The following GRIN3A variants were observed in gnomAD, a reference collection of about 807,000 sequenced individuals.
GRIN3A encodes the protein glutamate receptor ionotropic, NMDA 3A.
In GRIN3A, 47 loss-of-function variants were observed where a neutral mutation model predicts 92.4. That is an observed-to-expected ratio of 0.51 (90% CI 0.40 to 0.65). The LOEUF is 0.65. Among genes scored for constraint, GRIN3A ranks in the 30% least tolerant of loss-of-function variants. GRIN3A has a pLI of 0.00. For synonymous variants in GRIN3A, 527 were observed against 540.6 expected (o/e 0.97, Z 0.35); for missense variants, 1,324 against 1,393.1 (o/e 0.95, Z 0.79).
At chr9:101,667,151 GCTTTATACTTCGTATTACCTATATA>G (rs1397436403) in intron 3 of GRIN3A, among the ~76,000 whole-genome samples, 5 of 151,832 alleles carry the variant, frequency 3.3e-5, no homozygotes, top group South Asian at 2.1e-4. Flanking sequence ...TCTTGCCTGT[GCTTTATACTTCGTATTACCTATATA>G]CTTTATACTA....
intron 1 of GRIN3A, among the ~76,000 whole-genome samples, chr9:101,720,270 T>C (rs555829249): frequency 2.0e-5 from 3 of 152,364 alleles, no homozygotes; most frequent in South Asian, 2.1e-4. Flanking sequence ...CTCATCTATT[T>C]TTAAAATTTG....
chr9:101,701,118 G>C (rs1359292684), intron 1 of GRIN3A, among the ~76,000 whole-genome samples: 1 of 152,110 alleles, frequency 6.6e-6, no homozygotes, highest in Non-Finnish European at 1.5e-5. Flanking sequence ...TGTTGGAAAT[G>C]CTTATTTTTT....
At chr9:101,705,463 C>T (rs2119006629) in intron 1 of GRIN3A, among the ~76,000 whole-genome samples, 1 of 152,330 alleles carries the variant, frequency 6.6e-6, no homozygotes, top group East Asian at 1.9e-4. Flanking sequence ...AAAGTCTCCA[C>T]ATTCATCACC....
chr9:101,633,687 C>T (rs934020510), intron 3 of GRIN3A, among the ~76,000 whole-genome samples: 2 of 152,218 alleles, frequency 1.3e-5, no homozygotes, highest in African/African-American at 2.4e-5. Flanking sequence ...ACATCCCTTA[C>T]AAGAATCTAA....
At chr9:101,605,279 C>A (rs1233808589) in intron 6 of GRIN3A, among the ~76,000 whole-genome samples, 1 of 152,194 alleles carries the variant, frequency 6.6e-6, no homozygotes, top group Non-Finnish European at 1.5e-5. Flanking sequence ...TTAACACTAT[C>A]CATTCAGCAC....
chr9:101,670,303 C>A lies in GRIN3A; in HGVS notation c.2109G>T (p.Leu703Phe). The A allele has an allele frequency of 6.2e-7, 1 of 1,614,030 alleles. No homozygotes were observed. Among genetic ancestry groups the A allele is most frequent in the Non-Finnish European group, 8.5e-7 (1 of 1,179,966 alleles). Reference protein sequence around the residue: ...TLYEWKSPFGLTPKGRNRSKV... With the variant: ...TLYEWKSPFGFTPKGRNRSKV... ...TACTTCTATTTCGCCCCTTGGGAGT[C>A]AAACCAAATGGACTCTTCCATTCAT... Residue 703 changes from leucine (L) to phenylalanine (F), a missense_variant, in exon 3 of 9, where the codon TTG becomes TTT. Leu to Phe is a conservative substitution (Grantham distance 22). Coordinates refer to ENST00000361820, the MANE Select transcript of GRIN3A (RefSeq NM_133445.3).
At chr9:101,676,418 A>G (rs1014810823) in intron 2 of GRIN3A, among the ~76,000 whole-genome samples, 6 of 151,886 alleles carry the variant, frequency 4.0e-5, no homozygotes, top group African/African-American at 1.4e-4. Context: ...CTGTCTTTGT[A>G]TCATTAAACA....
intron 1 of GRIN3A, among the ~76,000 whole-genome samples, chr9:101,726,340 G>C (rs1390468410): frequency 6.6e-6 from 1 of 152,182 alleles, no homozygotes; most frequent in African/African-American, 2.4e-5. Context: ...CTGGTATCCC[G>C]AGAGGAGTTT....
intron 6 of GRIN3A, among the ~76,000 whole-genome samples, chr9:101,587,916 TTTTA>T (rs537190845): frequency 2.9e-4 from 44 of 152,122 alleles, no homozygotes; most frequent in Admixed American, 2.1e-3. Context: ...CTGGTATCTA[TTTTA>T]TTTATTTATT....
chr9:101,685,870 T>G (rs1245355474), intron 2 of GRIN3A, among the ~76,000 whole-genome samples: 1 of 151,920 alleles, frequency 6.6e-6, no homozygotes, highest in Non-Finnish European at 1.5e-5. Flanking sequence ...ATTCTATGGG[T>G]AATAGGATCT....
intron 1 of GRIN3A, among the ~76,000 whole-genome samples, chr9:101,717,530 G>T (rs1588296046): frequency 6.6e-6 from 1 of 152,192 alleles, no homozygotes; most frequent in Non-Finnish European, 1.5e-5. Context: ...AAAACAGGAA[G>T]TTAGGAATAG....
chr9:101,583,215 A>T (rs1021353729), intron 6 of GRIN3A, among the ~76,000 whole-genome samples: 1 of 152,320 alleles, frequency 6.6e-6, no homozygotes, highest in Middle Eastern at 3.4e-3. Context: ...AAAGCCTGCA[A>T]TGCTTCTCAA....
At chr9:101,686,410 T>TACAGA (rs1829533595) in intron 2 of GRIN3A, among the ~76,000 whole-genome samples, 186 bp downstream of exon 2, 2 of 152,152 alleles carry the variant, frequency 1.3e-5, no homozygotes, top group Non-Finnish European at 2.9e-5. Context: ...ACTTACAAGT[T>TACAGA]TATAGATCAA....
chr9:101,624,389 A>G (rs1033677050), intron 4 of GRIN3A, among the ~76,000 whole-genome samples: 1 of 78,226 alleles, frequency 1.3e-5, no homozygotes, highest in East Asian at 4.2e-4. Flanking sequence ...CCCACCCCAC[A>G]ACAGTCCCCA....
intron 1 of GRIN3A, among the ~76,000 whole-genome samples, chr9:101,691,319 A>G (rs1829615495): frequency 6.6e-6 from 1 of 152,168 alleles, no homozygotes; most frequent in Non-Finnish European, 1.5e-5. Context: ...ATGAATAAAC[A>G]CTTCCTATAA....
At chr9:101,680,504 A>G (rs1829454209) in intron 2 of GRIN3A, among the ~76,000 whole-genome samples, 2 of 152,214 alleles carry the variant, frequency 1.3e-5, no homozygotes, top group African/African-American at 4.8e-5. Context: ...AAGAGAAAAG[A>G]GTCTCTAGTG....
At chr9:101,712,554 G>A (rs964739752) in intron 1 of GRIN3A, among the ~76,000 whole-genome samples, 1 of 152,168 alleles carries the variant, frequency 6.6e-6, no homozygotes, top group Admixed American at 6.5e-5. Flanking sequence ...TTACAGTGAT[G>A]GATCACCATT....
intron 6 of GRIN3A, among the ~76,000 whole-genome samples, chr9:101,596,864 C>A (rs1828140437): frequency 1.3e-5 from 2 of 152,206 alleles, no homozygotes; most frequent in Admixed American, 1.3e-4. Flanking sequence ...AATATTGGAA[C>A]CAACGCCTCA....
At chr9:101,668,605 TTTTA>T (rs1307687144) in intron 3 of GRIN3A, among the ~76,000 whole-genome samples, 1 of 152,118 alleles carries the variant, frequency 6.6e-6, no homozygotes, top group African/African-American at 2.4e-5. Flanking sequence ...ATGCTAATGA[TTTTA>T]TTTGTGTTCA....
Sources: allele counts gnomAD v4.1 joint callset (sites outside exome capture counted in the v4.1 genomes callset), GRCh38; gene constraint gnomAD v4.1.1; transcripts MANE v1.5; gene names NCBI Gene and HGNC (gene_info 2026-07-23, HGNC 2026-07-21).